DOCK9: variants seen among roughly 807,000 people sequenced by gnomAD.
The protein encoded by DOCK9 is dedicator of cytokinesis 9.
DOCK9 carries 89 observed loss-of-function variants against 263.3 expected under a neutral mutation model. That is an observed-to-expected ratio of 0.34 (90% CI 0.28 to 0.40). The LOEUF is 0.40. Among genes scored for constraint, DOCK9 ranks in the 10% least tolerant of loss-of-function variants. The pLI, the probability that DOCK9 is intolerant of heterozygous loss-of-function variation, is 1.00. For missense variants in DOCK9, 2,140 were observed against 2,603.4 expected, an observed-to-expected ratio of 0.82 and a Z score of 3.87; for synonymous variants, 976 against 973.1, an observed-to-expected ratio of 1.00 and a Z score of -0.06.
chr13:98,975,498 CACACACACACAA>C, intron 1 of DOCK9, among the ~76,000 whole-genome samples: 1 of 151,836 alleles, frequency 6.6e-6, no homozygotes, highest in Admixed American at 6.6e-5. Flanking sequence ...CACACACACA[CACACACACACAA>C]GTTATACTGT....
chr13:98,938,136 G>A (rs1183584946), intron 2 of DOCK9, among the ~76,000 whole-genome samples: 1 of 152,236 alleles, frequency 6.6e-6, no homozygotes, highest in African/African-American at 2.4e-5. Flanking sequence ...GCCTCCATCA[G>A]TAGCAGCCAA....
intron 1 of DOCK9, among the ~76,000 whole-genome samples, chr13:99,004,606 T>C (rs1882972612): frequency 6.6e-6 from 1 of 152,242 alleles, no homozygotes; most frequent in Admixed American, 6.5e-5. Context: ...CCTCTGCTTC[T>C]GTTCACAAGT....
chr13:98,922,020 GA>G (rs1566971205), intron 6 of DOCK9, 30 bp downstream of exon 6: 1 of 1,532,158 alleles, frequency 6.5e-7, no homozygotes, highest in South Asian at 1.2e-5. Context: ...GGGCTTGTGA[GA>G]GGGGAGGGCA....
intron 1 of DOCK9, among the ~76,000 whole-genome samples, chr13:99,017,285 C>A (rs903746833): frequency 6.6e-6 from 1 of 152,202 alleles, no homozygotes; most frequent in Non-Finnish European, 1.5e-5. Flanking sequence ...TACCCAGAAA[C>A]TGAATATTGG....
chr13:98,975,112 T>C (rs2060108734), intron 1 of DOCK9, among the ~76,000 whole-genome samples: 1 of 152,196 alleles, frequency 6.6e-6, no homozygotes, highest in Non-Finnish European at 1.5e-5. Context: ...CCAGGTGCAG[T>C]GGCTCACGCC....
chr13:98,876,524 T>C (rs1473312835), intron 27 of DOCK9, among the ~76,000 whole-genome samples: 2 of 152,106 alleles, frequency 1.3e-5, no homozygotes, highest in Non-Finnish European at 2.9e-5. Flanking sequence ...GGTCTAAAAA[T>C]ATTAAAAACC....
rs565990027 is a variant in DOCK9 at position 99,032,337 on chromosome 13, G to A, written c.129+53886C>T. On this transcript the variant is annotated intron_variant, in intron 1 of 32. Transcript: ENST00000427887. ...AATACAAAAAAAAAATTAGCCAGAA[G>A]TGGCGGCGTGTGCCTGTAGTCCCAG... Among the ~76,000 whole-genome samples, 385 of 152,182 alleles carry A rather than the reference G, an allele frequency of 2.5e-3. 4 individuals carry two copies. The highest frequency in any genetic ancestry group is 8.8e-3 in the African/African-American group (366 of 41,518).
At chr13:99,016,878 G>A (rs1344609721) in intron 1 of DOCK9, among the ~76,000 whole-genome samples, 1 of 152,192 alleles carries the variant, frequency 6.6e-6, no homozygotes, top group African/African-American at 2.4e-5. Flanking sequence ...GAAAGTTAGA[G>A]TGAATTAACT....
At chr13:98,876,477 G>T (rs2043876518) in intron 27 of DOCK9, among the ~76,000 whole-genome samples, 1 of 152,010 alleles carries the variant, frequency 6.6e-6, no homozygotes, top group Admixed American at 6.5e-5. Flanking sequence ...GGCAACAAGA[G>T]CAAAAAATAT....
chr13:98,853,798 A>T (rs1175155332), intron 34 of DOCK9, among the ~76,000 whole-genome samples: 2 of 152,200 alleles, frequency 1.3e-5, no homozygotes, highest in African/African-American at 4.8e-5. Context: ...ACACAGCTTT[A>T]GCTATGCCAA....
intron 15 of DOCK9, among the ~76,000 whole-genome samples, chr13:98,896,452 T>C (rs1020827266): frequency 2.8e-4 from 43 of 151,288 alleles, no homozygotes; most frequent in African/African-American, 9.7e-4. Context: ...ATTCTTGAGT[T>C]CTAGACAAAC....
intron 18 of DOCK9, among the ~76,000 whole-genome samples, chr13:98,887,911 A>G (rs2046033728): frequency 6.6e-6 from 1 of 152,162 alleles, no homozygotes; most frequent in Admixed American, 6.5e-5. Context: ...TGTTTGCTGA[A>G]TTGAGTGTGT....
intron 1 of DOCK9, among the ~76,000 whole-genome samples, chr13:99,077,801 C>T (rs1244227466): frequency 2.0e-5 from 3 of 152,150 alleles, no homozygotes; most frequent in Admixed American, 2.0e-4. Context: ...GGGGGCTGTC[C>T]CATCAACTGA....
At chr13:99,023,280 C>T (rs1765226220) in intron 1 of DOCK9, among the ~76,000 whole-genome samples, 1 of 152,204 alleles carries the variant, frequency 6.6e-6, no homozygotes, top group Admixed American at 6.5e-5. Context: ...TATCTACACA[C>T]ACAATGGAAT....
chr13:98,911,312 T>C (rs2049983398), intron 9 of DOCK9, among the ~76,000 whole-genome samples: 1 of 152,194 alleles, frequency 6.6e-6, no homozygotes, highest in Admixed American at 6.5e-5. Flanking sequence ...TGGTAAGAAA[T>C]GTTTCAAATT....
intron 27 of DOCK9, among the ~76,000 whole-genome samples, chr13:98,875,847 G>A (rs1028477430): frequency 6.6e-5 from 10 of 152,068 alleles, no homozygotes; most frequent in African/African-American, 1.9e-4. Context: ...ATGCTAGTTC[G>A]AAGGGGTTCT....
chr13:99,017,344 C>T (rs1885547537), intron 1 of DOCK9, among the ~76,000 whole-genome samples: 1 of 152,078 alleles, frequency 6.6e-6, no homozygotes, highest in East Asian at 1.9e-4. Flanking sequence ...TTTGAGAATT[C>T]AGAAAATCTA....
At chr13:98,965,937 G>A (rs1310433337) in intron 1 of DOCK9, among the ~76,000 whole-genome samples, 1 of 151,998 alleles carries the variant, frequency 6.6e-6, no homozygotes, top group Non-Finnish European at 1.5e-5. Flanking sequence ...TTATACAGCA[G>A]TTATACAGAT....
intron 1 of DOCK9, among the ~76,000 whole-genome samples, chr13:98,962,811 T>C (rs1255097145): frequency 6.6e-6 from 1 of 152,122 alleles, no homozygotes. Context: ...AGACAGCTGC[T>C]TATACCGTAG....
Sources: allele counts gnomAD v4.1 joint callset (sites outside exome capture counted in the v4.1 genomes callset), GRCh38; gene constraint gnomAD v4.1.1; transcripts MANE v1.5; gene names NCBI Gene and HGNC (gene_info 2026-07-23, HGNC 2026-07-21).